The following CCDC102B variants were observed in gnomAD, a reference collection of about 807,000 sequenced individuals.
The protein encoded by CCDC102B is coiled-coil domain containing 102B.
A neutral mutation model predicts 57.4 loss-of-function variants in CCDC102B; 75 were observed. The ratio of observed to expected loss-of-function variants is 1.31; its 90% confidence interval spans 1.08 to 1.58. The LOEUF (loss-of-function observed/expected upper bound fraction) is 1.58, where lower values mean the gene tolerates loss of function less well. Among genes scored for constraint, CCDC102B ranks in the 40% most tolerant of loss-of-function variants. The pLI is 0.00. For synonymous variants in CCDC102B, 206 were observed against 201.9 expected, an observed-to-expected ratio of 1.02 and a Z score of -0.17; for missense variants, 636 against 582.6, an observed-to-expected ratio of 1.09 and a Z score of -0.94.
Position 69,054,940 on chromosome 18 carries a change from T to A in CCDC102B, c.*803T>A, listed in dbSNP as rs1183770383. 1 of 984,858 alleles carries A rather than the reference T, an allele frequency of 1.0e-6. No individual in the cohort carries two copies. The highest frequency in any genetic ancestry group is 1.2e-6 in the Non-Finnish European group (1 of 829,596). 61.0% of individuals were successfully genotyped at this position (984,858 alleles called of 1,614,324 possible). On this transcript the variant is annotated 3_prime_UTR_variant, in exon 8 of 8. Coordinates refer to ENST00000360242, the MANE Select transcript of CCDC102B (RefSeq NM_024781.3). ...TTAGGAAATTGTGGTTATGTGAATA[T>A]TTCTTTAAAACTTTTATGTACATTA...
chr18:68,861,245 G>A (rs962584947), intron 4 of CCDC102B, among the ~76,000 whole-genome samples: 1 of 151,616 alleles, frequency 6.6e-6, no homozygotes, highest in African/African-American at 2.4e-5. Flanking sequence ...TTTTTTTGAC[G>A]ACTACCGTGC....
At chr18:68,717,009 C>T (rs752813430) in intron 2 of CCDC102B, among the ~76,000 whole-genome samples, 16 of 150,650 alleles carry the variant, frequency 1.1e-4, no homozygotes, top group Non-Finnish European at 1.5e-4. Context: ...CCCAAGAGGC[C>T]GAGCTTGCAG....
At chr18:68,937,638 T>C (rs928313007) in intron 6 of CCDC102B, among the ~76,000 whole-genome samples, 1 of 152,070 alleles carries the variant, frequency 6.6e-6, no homozygotes, top group African/African-American at 2.4e-5. Context: ...TTGGGATACA[T>C]GTGCAGAATG....
intron 6 of CCDC102B, among the ~76,000 whole-genome samples, chr18:68,916,750 T>A (rs929189010): frequency 6.6e-6 from 1 of 152,230 alleles, no homozygotes; most frequent in Non-Finnish European, 1.5e-5. Context: ...GTGACTCTGT[T>A]CAATGTTACA....
At chr18:69,010,083 C>T (rs1350066957) in intron 6 of CCDC102B, among the ~76,000 whole-genome samples, 3 of 144,890 alleles carry the variant, frequency 2.1e-5, no homozygotes, top group African/African-American at 5.0e-5. Flanking sequence ...AGGCGTCCGC[C>T]ACCATGCCCG....
At chr18:69,006,820 T>C (rs2051363605) in intron 6 of CCDC102B, among the ~76,000 whole-genome samples, 1 of 152,294 alleles carries the variant, frequency 6.6e-6, no homozygotes, top group East Asian at 1.9e-4. Flanking sequence ...TGGATCAAAA[T>C]GTCAAATAAC....
intron 6 of CCDC102B, among the ~76,000 whole-genome samples, chr18:68,938,737 A>T (rs560311194): frequency 1.3e-5 from 2 of 151,488 alleles, no homozygotes; most frequent in Non-Finnish European, 3.0e-5. Flanking sequence ...TTTTGGATAC[A>T]TTCCAAATCT....
chr18:68,813,336 C>G (rs946745910), intron 1 of CCDC102B, among the ~76,000 whole-genome samples: 12 of 151,956 alleles, frequency 7.9e-5, no homozygotes, highest in African/African-American at 2.7e-4. Flanking sequence ...CATAAGTTAC[C>G]CAGTCTCAGG....
At chr18:68,796,412 G>A (rs1387580571), upstream of CCDC102B, among the ~76,000 whole-genome samples, 1 of 152,096 alleles carries the variant, frequency 6.6e-6, no homozygotes, top group African/African-American at 2.4e-5. Context: ...GTTTAGATAA[G>A]CTGATGCCAT....
chr18:68,766,957 T>G (rs1296739052), intron 2 of CCDC102B, among the ~76,000 whole-genome samples: 1 of 152,048 alleles, frequency 6.6e-6, no homozygotes, highest in African/African-American at 2.4e-5. Flanking sequence ...AAATGCTGTT[T>G]TTCCCCATTT....
intron 7 of CCDC102B, among the ~76,000 whole-genome samples, chr18:69,047,200 AG>A: frequency 6.6e-6 from 1 of 152,266 alleles, no homozygotes; most frequent in East Asian, 1.9e-4. Flanking sequence ...CGCATCAAAA[AG>A]CTAATGCATC....
At chr18:68,874,635 A>T in intron 4 of CCDC102B, 34 bp from the exon 5 acceptor site, 2 of 1,358,178 alleles carry the variant, frequency 1.5e-6, no homozygotes, top group Non-Finnish European at 2.1e-6. Flanking sequence ...CCTATATAGC[A>T]TCCTGTGATT....
chr18:68,882,051 A>T (rs978814109), intron 5 of CCDC102B, among the ~76,000 whole-genome samples: 12 of 152,286 alleles, frequency 7.9e-5, no homozygotes, highest in African/African-American at 2.4e-4. Context: ...AAAATATGTT[A>T]AAAATATTTT....
chr18:69,026,046 A>G (rs2051979990), intron 7 of CCDC102B, among the ~76,000 whole-genome samples: 1 of 152,182 alleles, frequency 6.6e-6, no homozygotes, highest in Non-Finnish European at 1.5e-5. Flanking sequence ...GTCAAGCATC[A>G]TGAAACCCTC....
At chr18:69,040,385 G>GGTGTGTGT (rs908583162) in intron 7 of CCDC102B, among the ~76,000 whole-genome samples, 2 of 57,314 alleles carry the variant, frequency 3.5e-5, no homozygotes, top group Admixed American at 2.6e-4. Context: ...TAGATGCAGG[G>GGTGTGTGT]GTGTGTGTGT....
chr18:68,726,373 A>T (rs1210248094), intron 2 of CCDC102B, among the ~76,000 whole-genome samples: 5 of 152,200 alleles, frequency 3.3e-5, no homozygotes, highest in African/African-American at 1.2e-4. Context: ...TTACCGCCTT[A>T]ATTAAGGAAA....
intron 6 of CCDC102B, among the ~76,000 whole-genome samples, chr18:69,001,547 CT>C (rs1053784557): frequency 1.4e-4 from 21 of 151,788 alleles, no homozygotes; most frequent in African/African-American, 4.8e-4. Flanking sequence ...TGGTAGTGTG[CT>C]TCCCACATCA....
chr18:68,839,565 G>A (rs74517391), intron 3 of CCDC102B, among the ~76,000 whole-genome samples: 14,117 of 152,156 alleles, frequency 0.093, 869 homozygotes, highest in Non-Finnish European at 0.14. Context: ...TTCAAGAATC[G>A]CGAGCATGGC....
At chr18:68,930,537 C>T (rs2041634119) in intron 6 of CCDC102B, among the ~76,000 whole-genome samples, 2 of 151,894 alleles carry the variant, frequency 1.3e-5, no homozygotes, top group Admixed American at 6.6e-5. Context: ...ATGACTGCCT[C>T]GGGGCAAAAC....
Sources: allele counts gnomAD v4.1 joint callset (sites outside exome capture counted in the v4.1 genomes callset), GRCh38; gene constraint gnomAD v4.1.1; transcripts MANE v1.5; gene names NCBI Gene and HGNC (gene_info 2026-07-23, HGNC 2026-07-21).